The following MICU3 variants were observed in gnomAD, a reference collection of about 807,000 sequenced individuals.
MICU3 encodes the protein mitochondrial calcium uptake 3.
MICU3 carries 62 observed loss-of-function variants against 66.5 expected under a neutral mutation model. The observed-to-expected ratio is 0.93, with a 90% CI of 0.76 to 1.15. The LOEUF is 1.15. MICU3 is among the 50% of genes most tolerant of loss of function. The pLI is 0.00. For synonymous variants in MICU3, 308 were observed against 240.7 expected (o/e 1.28, Z -2.59); for missense variants, 779 against 664.4 (o/e 1.17, Z -1.90).
chr8:17,064,276 T>G (rs1427175356), intron 2 of MICU3, 39 bp downstream of exon 2: 2 of 1,517,806 alleles, frequency 1.3e-6, no homozygotes, highest in Non-Finnish European at 9.0e-7. Flanking sequence ...AATTGTATAA[T>G]TTTTTTATCT....
Position 17,053,705 on chromosome 8 carries a change from A to G in MICU3, c.382-10379A>G, listed in dbSNP as rs543166570. 2.0e-4 allele frequency among the ~76,000 whole-genome samples: 30 copies of G among 152,336 alleles called. No individual in the cohort carries two copies. The South Asian group carries it at 5.2e-3, about 26-fold the overall frequency. Reference sequence around the variant, plus strand: ...AAGAATTATTACTTAATTTTTATGAAGAAATCATGTATATTTTTATCATTT... The same window carrying G: ...AAGAATTATTACTTAATTTTTATGAGGAAATCATGTATATTTTTATCATTT... On this transcript the variant is annotated intron_variant, in intron 1 of 14. Coordinates refer to ENST00000318063, the MANE Select transcript of MICU3 (RefSeq NM_181723.3).
At chr8:17,055,692 C>G (rs1265985670) in intron 1 of MICU3, among the ~76,000 whole-genome samples, 1 of 152,170 alleles carries the variant, frequency 6.6e-6, no homozygotes, top group Non-Finnish European at 1.5e-5. Context: ...CATCATCTGC[C>G]TGGGTCTCTG....
intron 1 of MICU3, among the ~76,000 whole-genome samples, chr8:17,037,701 C>A (rs1813281987): frequency 6.6e-6 from 1 of 152,182 alleles, no homozygotes; most frequent in African/African-American, 2.4e-5. Flanking sequence ...GGTAAATCCA[C>A]CAATAGCTTG....
chr8:17,136,785 C>T, the MICU3 span, among the ~76,000 whole-genome samples: 1 of 151,506 alleles, frequency 6.6e-6, no homozygotes, highest in Non-Finnish European at 1.5e-5. Context: ...CTGGCAGTGC[C>T]GTGGTGCAGA....
At chr8:17,027,832 A>G (rs1000947212) in intron 1 of MICU3, among the ~76,000 whole-genome samples, 172 bp downstream of exon 1, 4 of 152,168 alleles carry the variant, frequency 2.6e-5, no homozygotes, top group African/African-American at 9.7e-5. Flanking sequence ...TCACCCACGT[A>G]TTGGGAAGAC....
intron 2 of MICU3, among the ~76,000 whole-genome samples, chr8:17,066,631 C>T (rs1324411850): frequency 6.7e-6 from 1 of 149,660 alleles, no homozygotes; most frequent in Non-Finnish European, 1.5e-5. Context: ...CAACCTCAAC[C>T]TCCGAGGCTC....
At chr8:17,134,210 A>C in the MICU3 span, 1 of 152,176 alleles carries the variant, frequency 6.6e-6, no homozygotes, top group African/African-American at 2.4e-5. Flanking sequence ...GTGATTATGG[A>C]GGCTGACAAA....
At chr8:17,099,152 C>G (rs1258208312) in intron 9 of MICU3, among the ~76,000 whole-genome samples, 1 of 151,726 alleles carries the variant, frequency 6.6e-6, no homozygotes, top group Non-Finnish European at 1.5e-5. Context: ...TCCATTATCC[C>G]ATTCTTACAC....
In MICU3 at chr8:17,105,493, A is replaced by G. The variant is rs1345948527; in HGVS notation, c.1166A>G (p.Glu389Gly). Residue 389 changes from glutamate to glycine, a missense_variant, in exon 11 of 15, where the codon GAA becomes GGA. By Grantham distance (98) the Glu-to-Gly change is moderately conservative (BLOSUM62 -2). Transcript: ENST00000318063. Reference sequence around the variant, plus strand: ...AATGGAATGAATACCATCAGTGAAGAAGATTTTGCTCATATTCTTTTACGA... The same window carrying G: ...AATGGAATGAATACCATCAGTGAAGGAGATTTTGCTCATATTCTTTTACGA... ...YSNGMNTISE[E>G]DFAHILLRYT... 11 of 1,573,838 alleles carry G rather than the reference A, an allele frequency of 7.0e-6. 1 individual carries two copies. In the East Asian group the frequency reaches 2.5e-4, roughly 36 times the overall value.
At chr8:17,093,560 G>T (rs186330321) in intron 8 of MICU3, among the ~76,000 whole-genome samples, 73 of 151,904 alleles carry the variant, frequency 4.8e-4, no homozygotes, top group African/African-American at 1.7e-3. Flanking sequence ...TGCTTGATTT[G>T]TCAATTAGTA....
chr8:17,104,540 C>T, intron 10 of MICU3, 49 bp downstream of exon 10: 2 of 999,546 alleles, frequency 2.0e-6, no homozygotes, highest in East Asian at 5.5e-5. Context: ...CTACTGAAAT[C>T]AGAAGGATCT....
chr8:17,087,418 G>A (rs993685678), intron 7 of MICU3, among the ~76,000 whole-genome samples: 2 of 151,920 alleles, frequency 1.3e-5, no homozygotes, highest in Non-Finnish European at 1.5e-5. Context: ...CTGTCGAAAC[G>A]AATAGAAGGA....
chr8:17,040,700 A>G (rs1357790215), intron 1 of MICU3, among the ~76,000 whole-genome samples: 6 of 152,236 alleles, frequency 3.9e-5, no homozygotes, highest in Non-Finnish European at 7.3e-5. Flanking sequence ...GTGGCTGGTC[A>G]AATGCTTTAA....
At chr8:17,082,887 T>A (rs1461541625) in intron 5 of MICU3, among the ~76,000 whole-genome samples, 2 of 152,152 alleles carry the variant, frequency 1.3e-5, no homozygotes, top group Non-Finnish European at 2.9e-5. Flanking sequence ...GTACATGCAC[T>A]CACATATGTG....
intron 1 of MICU3, among the ~76,000 whole-genome samples, chr8:17,028,189 G>A (rs1035880243): frequency 6.6e-6 from 1 of 152,196 alleles, no homozygotes. Context: ...GAATGTTGAT[G>A]TTACCAGGTC....
At chr8:17,073,987 A>G (rs1819988748) in intron 3 of MICU3, among the ~76,000 whole-genome samples, 1 of 152,090 alleles carries the variant, frequency 6.6e-6, no homozygotes, top group South Asian at 2.1e-4. Flanking sequence ...CATAATATTG[A>G]GAAGATACTT....
At chr8:17,114,838 G>GGCCGGGC (rs1802532262) in intron 12 of MICU3, among the ~76,000 whole-genome samples, 1 of 151,952 alleles carries the variant, frequency 6.6e-6, no homozygotes, top group Non-Finnish European at 1.5e-5. Flanking sequence ...CCCCAGAGGA[G>GGCCGGGC]GCCGGGCGCG....
At chr8:17,130,052 G>A in the MICU3 span, among the ~76,000 whole-genome samples, 2 of 152,108 alleles carry the variant, frequency 1.3e-5, no homozygotes, top group African/African-American at 2.4e-5. Context: ...GACACCTTCC[G>A]ATAAATACTG....
At chr8:17,077,706 G>C in intron 3 of MICU3, 77 bp from the exon 4 acceptor site, 1 of 996,018 alleles carries the variant, frequency 1.0e-6, no homozygotes, top group Non-Finnish European at 1.5e-6. Context: ...ATTTGGCATG[G>C]ACATTTAAAC....
Sources: gnomAD v4.1 joint callset for allele counts (sites outside exome capture counted in the v4.1 genomes callset) on GRCh38, gnomAD v4.1.1 for gene constraint, MANE v1.5 for transcripts, NCBI Gene and HGNC (gene_info 2026-07-23, HGNC 2026-07-21) for gene names.